Variants in CHADL observed in about 807,000 individuals in gnomAD.
CHADL encodes the protein chondroadherin-like protein.
A neutral mutation model predicts 52.1 loss-of-function variants in CHADL; 48 were observed. That is an observed-to-expected ratio of 0.92 (90% CI 0.73 to 1.17). CHADL has a LOEUF of 1.17. Ranked by LOEUF, CHADL falls within the 50% of genes most tolerant of loss-of-function variation. The pLI, the probability that CHADL is intolerant of heterozygous loss-of-function variation, is 0.00. For missense variants in CHADL, 977 were observed against 1,035.1 expected (o/e 0.94, Z 0.77); for synonymous variants, 498 against 511.2 (o/e 0.97, Z 0.35).
At chr22:41,235,950 C>A (rs966234045) in intron 4 of CHADL, among the ~76,000 whole-genome samples, 1 of 152,156 alleles carries the variant, frequency 6.6e-6, no homozygotes, top group African/African-American at 2.4e-5. Context: ...CAGCTCACAG[C>A]AACCTCTGCC....
intron 5 of CHADL, among the ~76,000 whole-genome samples, chr22:41,231,494 C>T (rs1019385868): frequency 6.6e-6 from 1 of 152,194 alleles, no homozygotes; most frequent in Non-Finnish European, 1.5e-5. Flanking sequence ...AGAGATGGAG[C>T]CTGTGTCCGC....
chr22:41,233,080 C>T (rs1473547651), intron 5 of CHADL, among the ~76,000 whole-genome samples: 3 of 152,064 alleles, frequency 2.0e-5, no homozygotes, highest in Non-Finnish European at 4.4e-5. Context: ...TATGACCTTA[C>T]TTGGAAATAG....
chr22:41,230,231 A>G (rs1424748094), intron 5 of CHADL: 7 of 1,613,336 alleles, frequency 4.3e-6, no homozygotes, highest in Non-Finnish European at 5.9e-6. Context: ...CGAGAACATC[A>G]AGCAGGAAAC....
chr22:41,230,216 T>TC (rs2032505199), intron 5 of CHADL: 1 of 1,613,204 alleles, frequency 6.2e-7, no homozygotes, highest in Non-Finnish European at 8.5e-7. Context: ...GCTGCCTGTC[T>TC]CCGTCGAGAA....
rs1182788472 is a variant in CHADL at position 41,238,129 on chromosome 22, C to T, written c.943G>A (p.Gly315Ser). The T allele has an allele frequency of 1.3e-5, 18 of 1,362,030 alleles. No homozygotes were observed. The highest frequency in any genetic ancestry group is 1.7e-5 in the Non-Finnish European group (18 of 1,064,816). 84.4% of individuals were successfully genotyped at this position (1,362,030 alleles called of 1,614,324 possible). A position where few individuals can be genotyped will look rare whatever the true frequency, so the allele number is the denominator to read the frequency against. The part of the protein sequence containing the change: ...LRLQGNPLWC[G>S]CQARPLLEWL... ...TCGAGTAGGGGCCGCGCCTGGCAGC[C>T]GCACCACAGCGGATTCCCCTGCAGC... Residue 315 changes from glycine (G) to serine (S), a missense_variant, in exon 3 of 6, where the codon GGC (glycine) becomes AGC (serine). Physicochemically the swap from Gly to Ser is moderately conservative, Grantham distance 56. Coordinates refer to ENST00000216241, the MANE Select transcript of CHADL (RefSeq NM_138481.2). This position sits in a 1 kb window ranked among gnomAD's most constrained non-coding sequence, Gnocchi z 4.9.
chr22:41,240,246 C>A (rs933549623), intron 1 of CHADL, among the ~76,000 whole-genome samples: 2 of 152,176 alleles, frequency 1.3e-5, no homozygotes, highest in African/African-American at 4.8e-5. Flanking sequence ...CACCACCACG[C>A]CTGGCTAATT....
chr22:41,229,987 C>T, intron 5 of CHADL: 1 of 685,602 alleles, frequency 1.5e-6, no homozygotes, highest in Non-Finnish European at 2.5e-6. Flanking sequence ...CCCTTTGCTG[C>T]TGCCACTGCC....
intron 3 of CHADL, 116 bp downstream of exon 3, chr22:41,237,060 G>A (rs908278933): frequency 1.3e-5 from 15 of 1,121,302 alleles, no homozygotes; most frequent in Non-Finnish European, 1.7e-5. Flanking sequence ...CAGGGTCCCC[G>A]TGCCCAGGCT....
chr22:41,230,835 T>C (rs2032550397), intron 5 of CHADL: 1 of 152,340 alleles, frequency 6.6e-6, no homozygotes, highest in African/African-American at 2.4e-5. Context: ...CCAGCTTGTC[T>C]CGGCAGCTAA....
At position 41,237,600 on chromosome 22, in the gene CHADL, G is replaced by C; in HGVS notation, c.1472C>G (p.Ala491Gly). ...SDNQLAGLSAAALEGAPRLGY... is the reference protein window; with the variant it reads ...SDNQLAGLSAGALEGAPRLGY... ...GAGGCGGGGAGCCCCTTCAAGGGCA[G>C]CAGCGCTGAGGCCTGCGAGCTGGTT... is the stretch of plus-strand genomic sequence containing the variant. The change falls in exon 3 of 6, where the codon GCT (alanine) becomes GGT (glycine). Residue 491 changes from alanine (A) to glycine (G), a missense_variant. Transcript: ENST00000216241. 1.9e-6 allele frequency: 3 copies of C among 1,550,512 alleles called. No individual in the cohort carries two copies. Among genetic ancestry groups the C allele is most frequent in the Non-Finnish European group, 2.6e-6 (3 of 1,146,908 alleles).
chr22:41,231,431 A>G lies in CHADL; in HGVS notation c.2263-1701T>C, dbSNP rs142888531. Among the ~76,000 whole-genome samples the G allele has an allele frequency of 1.4e-3, 217 of 152,168 alleles. 2 individuals carry two copies. The highest frequency in any genetic ancestry group is 0.013 in the East Asian group (66 of 5,190). Reference sequence around the variant, plus strand: ...AGCTCAAGTTCCCTGTCTTAGCCACATGCTGTCATTCTTTACGGTTGTGCC... The same window carrying G: ...AGCTCAAGTTCCCTGTCTTAGCCACGTGCTGTCATTCTTTACGGTTGTGCC... On this transcript the variant is annotated intron_variant, in intron 5 of 5. Coordinates refer to ENST00000216241, the MANE Select transcript of CHADL (RefSeq NM_138481.2).
Position 41,229,548 on chromosome 22 carries a change from A to G in CHADL, c.*156T>C. 6.2e-7 allele frequency: 1 copy of G among 1,610,574 alleles called. No individual in the cohort carries two copies. The highest frequency in any genetic ancestry group is 8.5e-7 in the Non-Finnish European group (1 of 1,177,330). On this transcript the variant is annotated 3_prime_UTR_variant, in exon 6 of 6. Coordinates refer to ENST00000216241, the MANE Select transcript of CHADL (RefSeq NM_138481.2). The stretch of plus-strand genomic sequence containing the variant: ...TCCATTTTTATTCAAAGGGAAAAGA[A>G]TCCCGCCCACTAAGACGCGACCCCT...
In CHADL at chr22:41,236,488, G is replaced by A. The variant is rs1205309475; in HGVS notation, c.2059C>T (p.His687Tyr). 1.1e-5 allele frequency: 17 copies of A among 1,550,902 alleles called. No individual in the cohort carries two copies. Among genetic ancestry groups the A allele is most frequent in the South Asian group, 2.4e-5 (2 of 84,060 alleles). ...GGTCTAGGTGGGGGTGCCCACCTGTGCAGCGGAAGCAGCTGGCAGTCACAG... is the reference window on the plus strand; with the variant it reads ...GGTCTAGGTGGGGGTGCCCACCTGTACAGCGGAAGCAGCTGGCAGTCACAG... ...FHCDCQLLPL[H>Y]RWLTGLNLRV... is the part of the protein sequence containing the mutation. The change falls in exon 4 of 6, where the codon CAC becomes TAC. Residue 687 changes from histidine to tyrosine, a missense_variant. Coordinates refer to ENST00000216241, the MANE Select transcript of CHADL (RefSeq NM_138481.2).
At chr22:41,236,029 G>A (rs1185478527) in intron 4 of CHADL, among the ~76,000 whole-genome samples, 1 of 152,104 alleles carries the variant, frequency 6.6e-6, no homozygotes, top group Non-Finnish European at 1.5e-5. Flanking sequence ...CCACTACCAC[G>A]CCCAGCTAAT....
chr22:41,231,991 G>A (rs1237510988), intron 5 of CHADL, among the ~76,000 whole-genome samples: 1 of 152,152 alleles, frequency 6.6e-6, no homozygotes, highest in Non-Finnish European at 1.5e-5. Flanking sequence ...GTGCAGTACT[G>A]ATGGGAAAAA....
In CHADL at chr22:41,237,149, C is replaced by G. The variant is rs1395498845; in HGVS notation, c.1896+27G>C. 3 of 1,515,748 alleles carry G rather than the reference C, an allele frequency of 2.0e-6. No homozygotes were observed. In the African/African-American group the frequency reaches 4.1e-5, roughly 21 times the overall value. The allele number at this position is 1,515,748 out of a possible 1,614,324, so 93.9% of individuals were successfully genotyped here. ...TGTGGCCTTGTGCCGCCTCCTGCAC[C>G]AACCCCGCCAGATGCCCAGTGCCCA... On this transcript the variant is annotated intron_variant, in intron 3 of 5. Transcript: ENST00000216241.
Position 41,238,733 on chromosome 22 carries a change from G to A in CHADL, c.339C>T (p.Leu113=), listed in dbSNP as rs1005634252. 4 of 1,548,400 alleles carry A rather than the reference G, an allele frequency of 2.6e-6. No individual in the cohort carries two copies. Among genetic ancestry groups the A allele is most frequent in the Admixed American group, 3.9e-5 (2 of 50,966 alleles). The part of the protein sequence containing the change: ...EGAFRGLGRL[L]LLNLASNHLR... ...GGTGGTTGGAGGCCAGGTTGAGCAG[G>A]AGCAGGCGGCCCAGGCCACGGAAGG... Residue 113 remains leucine, a synonymous_variant, in exon 3 of 6, where the codon CTC becomes CTT. Coordinates refer to ENST00000216241, the MANE Select transcript of CHADL (RefSeq NM_138481.2). The surrounding 1 kb of genome is among the most constrained non-coding windows in gnomAD (Gnocchi z 4.9).
chr22:41,236,723 C>A, intron 3 of CHADL, 73 bp from the exon 4 acceptor site: 2 of 1,389,390 alleles, frequency 1.4e-6, no homozygotes, highest in Non-Finnish European at 1.9e-6. Flanking sequence ...GAAGGGAGCC[C>A]CATCTTCCCT....
At chr22:41,235,769 T>A (rs1358373215) in intron 4 of CHADL, among the ~76,000 whole-genome samples, 1 of 152,182 alleles carries the variant, frequency 6.6e-6, no homozygotes, top group Admixed American at 6.5e-5. Context: ...ACATCCCCCC[T>A]TTTTACAGAT....
Sources: gnomAD v4.1 joint callset for allele counts (sites outside exome capture counted in the v4.1 genomes callset) on GRCh38, gnomAD v4.1.1 for gene constraint, Gnocchi (gnomAD v3.1) non-coding constraint, MANE v1.5 for transcripts, NCBI Gene and HGNC (gene_info 2026-07-23, HGNC 2026-07-21) for gene names.